The following ADA2 variants were observed in gnomAD, a reference collection of about 807,000 sequenced individuals.
ADA2 encodes adenosine deaminase 2.
In ADA2, 29 loss-of-function variants were observed where a neutral mutation model predicts 44.2. That is an observed-to-expected ratio of 0.66 (90% CI 0.49 to 0.89). ADA2 has a LOEUF of 0.89. Ranked by LOEUF, ADA2 falls within the 40% of genes least tolerant of loss-of-function variation. ADA2 has a pLI of 0.00. For synonymous variants in ADA2, 215 were observed against 234.9 expected, an observed-to-expected ratio of 0.92 and a Z score of 0.77; for missense variants, 637 against 644.8, an observed-to-expected ratio of 0.99 and a Z score of 0.13.
intron 4 of ADA2, among the ~76,000 whole-genome samples, chr22:17,192,785 TACC>T (rs888486150): frequency 6.6e-6 from 1 of 150,630 alleles, no homozygotes; most frequent in Non-Finnish European, 1.5e-5. Flanking sequence ...GCCAAGATCA[TACC>T]ACTGCACTCC....
At position 17,180,372 on chromosome 22, in the gene ADA2, C is replaced by T. The variant is rs1384794246; in HGVS notation, c.*1111G>A. The T allele has an allele frequency of 6.6e-6, 1 of 152,024 alleles. No individual in the cohort carries two copies. Among genetic ancestry groups the T allele is most frequent in the Non-Finnish European group, 1.5e-5 (1 of 68,068 alleles). The allele number at this position is 152,024 out of a possible 1,614,324, so 9.4% of individuals were successfully genotyped here. A position where few individuals can be genotyped will look rare whatever the true frequency, so the allele number is the denominator to read the frequency against. On this transcript the variant is annotated 3_prime_UTR_variant, in exon 10 of 10. Coordinates refer to ENST00000399837, the MANE Select transcript of ADA2 (RefSeq NM_001282225.2). ...GCATCAAGAAGCCACCGCTGGAGTC[C>T]AGATGAGGGATGCGTTCTGATGTAG...
intron 4 of ADA2, among the ~76,000 whole-genome samples, chr22:17,198,127 T>A (rs1400775483): frequency 6.6e-6 from 1 of 152,100 alleles, no homozygotes; most frequent in African/African-American, 2.4e-5. Context: ...GAATTTTGCT[T>A]GCCCTGAGTT....
At position 17,190,629 on chromosome 22, in the gene ADA2, G is replaced by A. The variant is rs537369148; in HGVS notation, c.882-597C>T. Among the ~76,000 whole-genome samples, 14 of 152,368 alleles carry A rather than the reference G, an allele frequency of 9.2e-5. No individual in the cohort carries two copies. The South Asian group carries it at 2.5e-3, about 27-fold the overall frequency. On this transcript the variant is annotated intron_variant, in intron 5 of 9. Transcript: ENST00000399837. ...GGCTCAAGGTCTTTGCCCTGCCACT[G>A]GCTCTCCTGCTCCAATCCTCGGCTC...
intron 1 of ADA2, chr22:17,213,653 G>T: frequency 7.3e-6 from 2 of 274,968 alleles, no homozygotes; most frequent in Non-Finnish European, 7.5e-6. Context: ...AAAAGAATGA[G>T]GAGGAGAAGC....
intron 1 of ADA2, among the ~76,000 whole-genome samples, chr22:17,217,846 A>G (rs1384704785): frequency 6.6e-6 from 1 of 152,206 alleles, no homozygotes; most frequent in Non-Finnish European, 1.5e-5. Flanking sequence ...AAATGAAAAT[A>G]AAACGATTGT....
intron 7 of ADA2, 28 bp from the exon 8 acceptor site, chr22:17,182,789 G>C: frequency 1.3e-6 from 2 of 1,545,286 alleles, no homozygotes; most frequent in Non-Finnish European, 1.8e-6. Context: ...GTCTTCCATG[G>C]GGGATGGATG....
rs757523498 is a variant in ADA2, at chr22:17,188,479, G to A, written c.973-32C>T. 5.3e-6 allele frequency: 8 copies of A among 1,501,720 alleles called. No homozygotes were observed. The East Asian group carries it at 1.8e-4, about 34-fold the overall frequency. The allele number at this position is 1,501,720 out of a possible 1,614,324, so 93.0% of individuals were successfully genotyped here. A position where few individuals can be genotyped will look rare whatever the true frequency, so the allele number is the denominator to read the frequency against. On this transcript the variant is annotated intron_variant, in intron 6 of 9. Coordinates refer to ENST00000399837, the MANE Select transcript of ADA2 (RefSeq NM_001282225.2). ...GACAGAGAGGGACAGGGAGGTGTCTGCAGGGCGCATGCCTCACTTGCTGAT... is the reference window on the plus strand; with the variant it reads ...GACAGAGAGGGACAGGGAGGTGTCTACAGGGCGCATGCCTCACTTGCTGAT...
intron 7 of ADA2, among the ~76,000 whole-genome samples, chr22:17,186,018 G>A (rs1343390417): frequency 3.9e-5 from 6 of 152,210 alleles, no homozygotes; most frequent in Non-Finnish European, 7.3e-5. Flanking sequence ...ATGACTGAGC[G>A]AGCCCAAGGA....
intron 4 of ADA2, 151 bp downstream of exon 4, chr22:17,203,412 C>A: frequency 1.5e-6 from 1 of 653,602 alleles, no homozygotes. Flanking sequence ...TTCAGGTTTC[C>A]TTGCTCATGT....
At chr22:17,209,311 C>G in intron 2 of ADA2, 45 bp downstream of exon 2, 2 of 1,512,322 alleles carry the variant, frequency 1.3e-6, no homozygotes, top group Non-Finnish European at 1.8e-6. Context: ...AAGATGAGTC[C>G]CTCTACCTTC....
chr22:17,181,148 C>A lies in ADA2; in HGVS notation c.*335G>T, dbSNP rs539936282. On this transcript the variant is annotated 3_prime_UTR_variant, in exon 10 of 10. Transcript: ENST00000399837. ...AGCAAAACTCCATCTCGAAAAAATA[C>A]AAAAATAAAAAAATAAAGAGACCAG... 4.4e-5 allele frequency: 8 copies of A among 183,158 alleles called. No individual in the cohort carries two copies. Among genetic ancestry groups the A allele is most frequent in the East Asian group, 3.1e-4 (2 of 6,540 alleles). 11.3% of individuals were successfully genotyped at this position (183,158 alleles called of 1,614,324 possible).
intron 3 of ADA2, among the ~76,000 whole-genome samples, chr22:17,204,532 C>T (rs989734575): frequency 6.6e-6 from 1 of 152,046 alleles, no homozygotes; most frequent in African/African-American, 2.4e-5. Flanking sequence ...ATTGTTTGAA[C>T]CCTGGAAGTG....
intron 5 of ADA2, 89 bp downstream of exon 5, chr22:17,191,594 C>G: frequency 7.0e-7 from 1 of 1,433,752 alleles, no homozygotes. Flanking sequence ...GCCTCCCAGC[C>G]CCGCTTCTCA....
chr22:17,188,508 G>A lies in ADA2; in HGVS notation c.973-61C>T, dbSNP rs374159743. On this transcript the variant is annotated intron_variant, in intron 6 of 9. Coordinates refer to ENST00000399837, the MANE Select transcript of ADA2 (RefSeq NM_001282225.2). Reference sequence around the variant, plus strand: ...GGCGCATGCCTCACTTGCTGATGGCGCGCCCTGGAGCCTGTGCACACCCTT... The same window carrying A: ...GGCGCATGCCTCACTTGCTGATGGCACGCCCTGGAGCCTGTGCACACCCTT... 1.3e-4 allele frequency: 144 copies of A among 1,120,742 alleles called. No homozygotes were observed. The African/African-American group carries it at 1.4e-3, about 11-fold the overall frequency. The allele number at this position is 1,120,742 out of a possible 1,614,324, so 69.4% of individuals were successfully genotyped here. A position where few individuals can be genotyped will look rare whatever the true frequency, so the allele number is the denominator to read the frequency against.
intron 1 of ADA2, among the ~76,000 whole-genome samples, chr22:17,211,753 C>A (rs2062420617): frequency 6.6e-6 from 1 of 151,840 alleles, no homozygotes; most frequent in African/African-American, 2.4e-5. Flanking sequence ...CATGGTGAAA[C>A]CCCGTCTCTA....
intron 4 of ADA2, among the ~76,000 whole-genome samples, chr22:17,202,119 A>G (rs1601452737): frequency 1.3e-5 from 2 of 148,894 alleles, no homozygotes; most frequent in African/African-American, 4.9e-5. Context: ...ACAGGTGCGC[A>G]CCACCATGCC....
At position 17,208,568 on chromosome 22, in the gene ADA2, C is replaced by T. The variant is rs149814387; in HGVS notation, c.322+788G>A. 5.6e-3 allele frequency among the ~76,000 whole-genome samples: 846 copies of T among 151,844 alleles called. 7 individuals are homozygous for T. Among genetic ancestry groups the T allele is most frequent in the African/African-American group, 0.019 (803 of 41,430 alleles). On this transcript the variant is annotated intron_variant, in intron 2 of 9. Coordinates refer to ENST00000399837, the MANE Select transcript of ADA2 (RefSeq NM_001282225.2). ...CTGTAATCCCAGCACTTTGGGAGGCCGAGGAGTGTGGATTGCCTGAGCTCA... is the reference window on the plus strand; with the variant it reads ...CTGTAATCCCAGCACTTTGGGAGGCTGAGGAGTGTGGATTGCCTGAGCTCA...
intron 1 of ADA2, chr22:17,213,532 A>G (rs2062438737): frequency 3.4e-6 from 1 of 292,822 alleles, no homozygotes; most frequent in African/African-American, 2.3e-5. Context: ...GAGCAGGTAC[A>G]AAAAGGACTT....
intron 1 of ADA2, among the ~76,000 whole-genome samples, chr22:17,218,740 T>A (rs5747027): frequency 0.54 from 81,576 of 152,038 alleles, 23,322 homozygotes; most frequent in East Asian, 0.88. Context: ...TGAATACTAG[T>A]AAAAACAATC....
Sources: gnomAD v4.1 joint callset for allele counts (sites outside exome capture counted in the v4.1 genomes callset) on GRCh38, gnomAD v4.1.1 for gene constraint, MANE v1.5 for transcripts, NCBI Gene and HGNC (gene_info 2026-07-23, HGNC 2026-07-21) for gene names.